The following SCRN1 variants were observed in gnomAD, a reference collection of about 807,000 sequenced individuals.
SCRN1 encodes secernin-1.
A neutral mutation model predicts 43.3 loss-of-function variants in SCRN1; 19 were observed. The ratio of observed to expected loss-of-function variants is 0.44; its 90% CI spans 0.31 to 0.64. The LOEUF is 0.64. SCRN1 is among the 30% of genes least tolerant of loss of function. The pLI is 0.09. For missense variants in SCRN1, 447 were observed against 524.1 expected, an observed-to-expected ratio of 0.85 and a Z score of 1.44; for synonymous variants, 183 against 188.9, an observed-to-expected ratio of 0.97 and a Z score of 0.26.
chr7:29,943,861 C>T (rs1208277894), intron 4 of SCRN1, 116 bp downstream of exon 4: 10 of 956,834 alleles, frequency 1.0e-5, no homozygotes, highest in Admixed American at 3.7e-5. Flanking sequence ...CAGTCCCACA[C>T]AGAGAGGACC....
At chr7:29,964,951 A>AATAT (rs140642496) in intron 2 of SCRN1, among the ~76,000 whole-genome samples, 4,547 of 147,824 alleles carry the variant, frequency 0.031, 77 homozygotes, top group Non-Finnish European at 0.035. Context: ...CAAAAAACAA[A>AATAT]ATATATATAT....
At chr7:29,931,866 C>A (rs966650252) in intron 6 of SCRN1, among the ~76,000 whole-genome samples, 1 of 152,148 alleles carries the variant, frequency 6.6e-6, no homozygotes, top group African/African-American at 2.4e-5. Context: ...CGCAGGCGCC[C>A]CTCAGAGTGG....
chr7:29,963,911 TA>T (rs1457857041), intron 2 of SCRN1, among the ~76,000 whole-genome samples: 1 of 152,214 alleles, frequency 6.6e-6, no homozygotes, highest in Non-Finnish European at 1.5e-5. Flanking sequence ...AGTTATATAT[TA>T]AAAAATCATG....
chr7:29,941,309 G>A (rs987192807), intron 4 of SCRN1, among the ~76,000 whole-genome samples: 8 of 152,124 alleles, frequency 5.3e-5, no homozygotes, highest in Admixed American at 2.6e-4. Context: ...ATGCTCTATC[G>A]CATCTATAGA....
chr7:29,937,789 A>G (rs1787392190), intron 5 of SCRN1, among the ~76,000 whole-genome samples: 1 of 152,238 alleles, frequency 6.6e-6, no homozygotes, highest in East Asian at 1.9e-4. Context: ...TTGTTAAAAC[A>G]CTATTTCAGT....
chr7:29,986,625 C>T (rs996808692), intron 1 of SCRN1, among the ~76,000 whole-genome samples: 2 of 151,804 alleles, frequency 1.3e-5, no homozygotes, highest in East Asian at 1.9e-4. Flanking sequence ...AAATTGCATG[C>T]ATTTCTGTAT....
At position 29,986,751 on chromosome 7, in the gene SCRN1, G is replaced by A. The variant is rs1468275360; in HGVS notation, c.-2+2891C>T. ...TTTTTTTTTTTTTTTTTGAGACGGAGTCTCGCTCTGTCGCCCAGGCTGGAG... is the reference window on the plus strand; with the variant it reads ...TTTTTTTTTTTTTTTTTGAGACGGAATCTCGCTCTGTCGCCCAGGCTGGAG... On this transcript the variant is annotated intron_variant, in intron 1 of 7. Transcript: ENST00000242059. Among the ~76,000 whole-genome samples, 4 of 120,804 alleles carry A rather than the reference G, an allele frequency of 3.3e-5. 1 individual carries two copies. In the South Asian group the frequency reaches 7.6e-4, roughly 23 times the overall value. 79.3% of individuals were successfully genotyped at this position (120,804 alleles called of 152,430 possible).
chr7:29,984,748 C>T (rs1415277841), intron 1 of SCRN1, among the ~76,000 whole-genome samples: 1 of 149,546 alleles, frequency 6.7e-6, no homozygotes, highest in Non-Finnish European at 1.5e-5. Context: ...TGGTGAAACC[C>T]CGCCTCTACT....
chr7:29,943,861 CAG>C (rs1787638765), intron 4 of SCRN1, 114 bp downstream of exon 4: 2 of 956,952 alleles, frequency 2.1e-6, no homozygotes, highest in East Asian at 4.8e-5. Flanking sequence ...CAGTCCCACA[CAG>C]AGAGGACCTG....
At chr7:29,926,103 C>CAAA (rs762164507) in intron 7 of SCRN1, among the ~76,000 whole-genome samples, 7 of 152,142 alleles carry the variant, frequency 4.6e-5, no homozygotes, top group Non-Finnish European at 7.4e-5. Flanking sequence ...TTTTTACCCC[C>CAAA]AAAAGTACAT....
At chr7:29,940,920 A>C in intron 4 of SCRN1, 44 bp from the exon 5 acceptor site, 1 of 1,401,230 alleles carries the variant, frequency 7.1e-7, no homozygotes, top group Non-Finnish European at 9.4e-7. Context: ...TATACTTATA[A>C]AGACTTAATC....
At chr7:29,964,699 T>C (rs1788432088) in intron 2 of SCRN1, among the ~76,000 whole-genome samples, 1 of 151,994 alleles carries the variant, frequency 6.6e-6, no homozygotes. Flanking sequence ...TCCCAGCACT[T>C]TGGGAGGCCG....
At position 29,955,211 on chromosome 7, in the gene SCRN1, C is replaced by T. The variant is rs1788090943; in HGVS notation, c.309G>A (p.Glu103=). ...GATCCATCCCCAGCAAGGCTTCTAT[C>T]TCGGCAGCTGGCTCTCTGGTGTTGA... ...EAINTREPAA[E]IEALLGMDLV... Residue 103 remains glutamate, a synonymous_variant, in exon 3 of 8, where the codon GAG becomes GAA. Coordinates refer to ENST00000242059, the MANE Select transcript of SCRN1 (RefSeq NM_014766.5). The T allele has an allele frequency of 2.5e-6, 4 of 1,614,196 alleles. No individual in the cohort carries two copies. The highest frequency in any genetic ancestry group is 3.4e-6 in the Non-Finnish European group (4 of 1,180,024).
chr7:29,947,245 T>A (rs1787764317), intron 3 of SCRN1: 2 of 1,550,572 alleles, frequency 1.3e-6, no homozygotes, highest in Admixed American at 2.0e-5. Context: ...TATAGGAAAA[T>A]CTTTCCCTGG....
At chr7:29,924,974 C>T (rs1786894203) in intron 7 of SCRN1, among the ~76,000 whole-genome samples, 1 of 152,176 alleles carries the variant, frequency 6.6e-6, no homozygotes. Context: ...TCAGCAGCCT[C>T]ATCTTGAACA....
intron 1 of SCRN1, among the ~76,000 whole-genome samples, chr7:29,977,153 T>C (rs1788858941): frequency 6.6e-6 from 1 of 152,218 alleles, no homozygotes; most frequent in Non-Finnish European, 1.5e-5. Context: ...ATATAAGCTA[T>C]CGGTTTATTA....
intron 1 of SCRN1, among the ~76,000 whole-genome samples, chr7:29,983,998 G>C (rs1412925895): frequency 6.6e-6 from 1 of 152,066 alleles, no homozygotes; most frequent in Non-Finnish European, 1.5e-5. Flanking sequence ...TTGAGGCCAC[G>C]AGTTCAAAAG....
intron 2 of SCRN1, among the ~76,000 whole-genome samples, chr7:29,964,300 G>A (rs1353658124): frequency 1.3e-5 from 2 of 151,962 alleles, no homozygotes; most frequent in African/African-American, 4.8e-5. Flanking sequence ...TAAATAACCT[G>A]GTATATCCAG....
Position 29,955,187 on chromosome 7 carries a change from A to G in SCRN1, c.333T>C (p.Asp111=), listed in dbSNP as rs1038484976. 6.2e-7 allele frequency: 1 copy of G among 1,614,048 alleles called. No homozygotes were observed. Among genetic ancestry groups the G allele is most frequent in the Non-Finnish European group, 8.5e-7 (1 of 1,179,962 alleles). ...AAEIEALLGM[D]LVRLGLERGE... Reference sequence around the variant, plus strand: ...GAATCACCATGCAGTACCTGACCAGATCCATCCCCAGCAAGGCTTCTATCT... The same window carrying G: ...GAATCACCATGCAGTACCTGACCAGGTCCATCCCCAGCAAGGCTTCTATCT... The change falls in exon 3 of 8, where the codon GAT becomes GAC. Residue 111 remains aspartate, a synonymous_variant. Transcript: ENST00000242059.
Sources: allele counts gnomAD v4.1 joint callset (sites outside exome capture counted in the v4.1 genomes callset), GRCh38; gene constraint gnomAD v4.1.1; transcripts MANE v1.5; gene names NCBI Gene and HGNC (gene_info 2026-07-23, HGNC 2026-07-21).